The following RNF10 variants were observed in gnomAD, a reference collection of about 807,000 sequenced individuals.
RNF10 encodes the protein E3 ubiquitin-protein ligase RNF10.
A neutral mutation model predicts 91.4 loss-of-function variants in RNF10; 38 were observed. That is an observed-to-expected ratio of 0.42 (90% CI 0.32 to 0.54). RNF10 has a LOEUF of 0.54. RNF10 is among the 20% of genes least tolerant of loss of function. The pLI is 0.16. For missense variants in RNF10, 945 were observed against 1,012.0 expected (o/e 0.93, Z 0.90); for synonymous variants, 364 against 366.3 (o/e 0.99, Z 0.07).
chr12:120,570,242 A>AAT (rs1478180134), intron 13 of RNF10: 2 of 144,876 alleles, frequency 1.4e-5, no homozygotes, highest in African/African-American at 5.2e-5. Context: ...GCTGGAGCAC[A>AAT]ATGGCACGAT....
rs1293857438 is a variant in RNF10, at chr12:120,560,719, C to T, written c.968-7C>T. 1.5e-5 allele frequency: 24 copies of T among 1,609,728 alleles called. No homozygotes were observed. Among genetic ancestry groups the T allele is most frequent in the Non-Finnish European group, 2.0e-5 (24 of 1,176,858 alleles). On this transcript the variant is annotated splice_polypyrimidine_tract_variant and splice_region_variant and intron_variant, in intron 6 of 16. Coordinates refer to ENST00000325954, the MANE Select transcript of RNF10 (RefSeq NM_014868.5). ...GCATTTCTTTGATCTTGCTGGCATTCTTATAGATGAACAGCACAGCCAGTA... is the reference window on the plus strand; with the variant it reads ...GCATTTCTTTGATCTTGCTGGCATTTTTATAGATGAACAGCACAGCCAGTA...
chr12:120,561,427 T>C (rs930400121), intron 7 of RNF10, among the ~76,000 whole-genome samples: 5 of 152,174 alleles, frequency 3.3e-5, no homozygotes, highest in Admixed American at 6.5e-5. Flanking sequence ...CTTTGAGATA[T>C]TGATTGCATA....
chr12:120,561,363 A>G (rs1690385832), intron 7 of RNF10, among the ~76,000 whole-genome samples: 1 of 152,218 alleles, frequency 6.6e-6, no homozygotes, highest in African/African-American at 2.4e-5. Flanking sequence ...TGGGTCTTTT[A>G]TCTTCCACAA....
rs1593117122 is a variant in RNF10, at chr12:120,571,271, C to T, written c.2122C>T (p.Pro708Ser). ...FCVGSLEEDS[P>S]FPSFAQMLRV... is the part of the protein sequence containing the mutation. ...CGTTGGGAGTCTGGAAGAAGACTCT[C>T]CCTTCCCTTCCTTTGCCCAGGTAAA... is the stretch of plus-strand genomic sequence containing the variant. Residue 708 changes from proline (P) to serine (S), a missense_variant, in exon 14 of 17, where the codon CCC (proline) becomes TCC (serine). Coordinates refer to ENST00000325954, the MANE Select transcript of RNF10 (RefSeq NM_014868.5). 5.6e-6 allele frequency: 9 copies of T among 1,613,358 alleles called. No individual in the cohort carries two copies. In the East Asian group the frequency reaches 2.0e-4, roughly 36 times the overall value.
intron 6 of RNF10, among the ~76,000 whole-genome samples, chr12:120,560,271 C>T (rs1233011040): frequency 6.6e-6 from 1 of 151,914 alleles, no homozygotes; most frequent in Non-Finnish European, 1.5e-5. Flanking sequence ...CCTGCCTCAG[C>T]CTCCCAAGTA....
intron 2 of RNF10, among the ~76,000 whole-genome samples, chr12:120,547,936 G>T (rs1389948377): frequency 1.3e-5 from 2 of 152,192 alleles, no homozygotes; most frequent in Non-Finnish European, 1.5e-5. Flanking sequence ...GAAAGAGGGT[G>T]AGTGATGGAG....
At position 120,577,257 on chromosome 12, in the gene RNF10, G is replaced by C. The variant is rs1247722338; in HGVS notation, c.*591G>C. ...AGTAGGCTGTCCTTGGCACTTGCATGTGTGAAAGGAGGGTTTTGCCTCTTC... is the reference window on the plus strand; with the variant it reads ...AGTAGGCTGTCCTTGGCACTTGCATCTGTGAAAGGAGGGTTTTGCCTCTTC... On this transcript the variant is annotated 3_prime_UTR_variant, in exon 17 of 17. Transcript: ENST00000325954. 2.3e-6 allele frequency: 1 copy of C among 432,404 alleles called. No homozygotes were observed. 26.8% of individuals were successfully genotyped at this position (432,404 alleles called of 1,614,324 possible). A position where few individuals can be genotyped will look rare whatever the true frequency, so the allele number is the denominator to read the frequency against.
intron 4 of RNF10, 107 bp downstream of exon 4, chr12:120,554,915 G>T (rs1446758972): frequency 2.3e-6 from 2 of 866,874 alleles, no homozygotes; most frequent in Non-Finnish European, 3.8e-6. Flanking sequence ...ACCCTTTTCT[G>T]CCTGGCCTTT....
intron 13 of RNF10, among the ~76,000 whole-genome samples, chr12:120,568,966 C>CTTGTT (rs748257842): frequency 4.6e-5 from 7 of 151,690 alleles, no homozygotes; most frequent in South Asian, 2.1e-4. Flanking sequence ...CTCAGGCATT[C>CTTGTT]TTGTTTTGTT....
chr12:120,560,072 G>A (rs558636759), intron 6 of RNF10, among the ~76,000 whole-genome samples: 26 of 151,950 alleles, frequency 1.7e-4, no homozygotes, highest in African/African-American at 6.3e-4. Flanking sequence ...GAGCCACTGC[G>A]CTGGTCCACC....
chr12:120,563,196 G>C lies in RNF10; in HGVS notation c.1254+126G>C. Reference sequence around the variant, plus strand: ...GACAATGAGTATTTTCTGTATGCTTGTTATTAGTTCTTTCCCCAGGGGTGT... The same window carrying C: ...GACAATGAGTATTTTCTGTATGCTTCTTATTAGTTCTTTCCCCAGGGGTGT... On this transcript the variant is annotated intron_variant, in intron 8 of 16. Transcript: ENST00000325954. 4 of 1,497,328 alleles carry C rather than the reference G, an allele frequency of 2.7e-6. No individual in the cohort carries two copies. The South Asian group carries it at 4.8e-5, about 18-fold the overall frequency. The allele number at this position is 1,497,328 out of a possible 1,614,324, so 92.8% of individuals were successfully genotyped here.
chr12:120,575,891 A>G lies in RNF10; in HGVS notation c.2300A>G (p.Gln767Arg). 1.2e-6 allele frequency: 2 copies of G among 1,614,182 alleles called. No individual in the cohort carries two copies. The highest frequency in any genetic ancestry group is 1.7e-6 in the Non-Finnish European group (2 of 1,180,034). The change falls in exon 16 of 17, where the codon CAA (glutamine) becomes CGA (arginine). Residue 767 changes from glutamine (Q) to arginine (R), a missense_variant. Transcript: ENST00000325954. ...CCCAGTTTTCAAAATTCCTTCAGCCAAGCTATTGAAGCAGCCTTCATGAAA... is the reference window on the plus strand; with the variant it reads ...CCCAGTTTTCAAAATTCCTTCAGCCGAGCTATTGAAGCAGCCTTCATGAAA... The part of the protein sequence containing the change: ...PVPSFQNSFS[Q>R]AIEAAFMKLD...
intron 1 of RNF10, among the ~76,000 whole-genome samples, chr12:120,535,995 T>C (rs1252445979): frequency 1.3e-5 from 2 of 152,200 alleles, no homozygotes; most frequent in Non-Finnish European, 2.9e-5. Context: ...TCTGCTCTCT[T>C]TTGTATTTCA....
chr12:120,537,523 G>C (rs562109260), intron 1 of RNF10, among the ~76,000 whole-genome samples: 2 of 152,248 alleles, frequency 1.3e-5, no homozygotes, highest in African/African-American at 2.4e-5. Context: ...AGCTACTCGG[G>C]GGGCTGAGGC....
chr12:120,558,421 T>C (rs1012131457), intron 6 of RNF10, among the ~76,000 whole-genome samples: 1 of 151,788 alleles, frequency 6.6e-6, no homozygotes, highest in Non-Finnish European at 1.5e-5. Flanking sequence ...TTTAAATGTT[T>C]AGCAACTTAA....
In RNF10 at chr12:120,575,636, G is replaced by A; in HGVS notation, c.2148G>A (p.Leu716=). The A allele has an allele frequency of 1.2e-6, 2 of 1,614,226 alleles. No individual in the cohort carries two copies. ...CTTCTTTCCCACTTTGGCAGATGCT[G>A]AGGGTTGGAAAAGCAAAAGCAGATG... The part of the protein sequence containing the change: ...DSPFPSFAQM[L]RVGKAKADVW... The change falls in exon 15 of 17, where the codon CTG becomes CTA. Residue 716 remains leucine, a synonymous_variant. Transcript: ENST00000325954.
chr12:120,572,636 C>T (rs1042496450), intron 14 of RNF10, among the ~76,000 whole-genome samples: 6 of 152,104 alleles, frequency 3.9e-5, no homozygotes, highest in African/African-American at 1.4e-4. Context: ...GCTCCTGTCC[C>T]CAAGGCTGGA....
Position 120,534,719 on chromosome 12 carries a change from G to C in RNF10, c.-93G>C, listed in dbSNP as rs966288009. ...GCCATGAAGGCCGAGAACCGCTGCC[G>C]CCGCCGACCCCCGCCGGCCCTGAAC... On this transcript the variant is annotated 5_prime_UTR_variant, in exon 1 of 17. Transcript: ENST00000325954. 4 of 1,405,642 alleles carry C rather than the reference G, an allele frequency of 2.8e-6. No individual in the cohort carries two copies. The African/African-American group carries it at 6.1e-5, about 22-fold the overall frequency. 87.1% of individuals were successfully genotyped at this position (1,405,642 alleles called of 1,614,324 possible). A position where few individuals can be genotyped will look rare whatever the true frequency, so the allele number is the denominator to read the frequency against.
At position 120,534,851 on chromosome 12, in the gene RNF10, G is replaced by A. The variant is rs748579098; in HGVS notation, c.40G>A (p.Asp14Asn). The change falls in exon 1 of 17, where the codon GAC becomes AAC. Residue 14 changes from aspartate to asparagine, a missense_variant. By Grantham distance (23) the Asp-to-Asn change is conservative. Coordinates refer to ENST00000325954, the MANE Select transcript of RNF10 (RefSeq NM_014868.5). The part of the protein sequence containing the change: ...SSPNAAATAS[D>N]MDKNSGSNSS... The stretch of plus-strand genomic sequence containing the variant: ...CCCCAACGCCGCCGCCACCGCCTCC[G>A]ACATGGACAAGAACAGCGGCTCCAA... 3 of 1,606,582 alleles carry A rather than the reference G, an allele frequency of 1.9e-6. No homozygotes were observed. Among genetic ancestry groups the A allele is most frequent in the African/African-American group, 1.3e-5 (1 of 74,868 alleles).
Sources: gnomAD v4.1 joint callset for allele counts (sites outside exome capture counted in the v4.1 genomes callset) on GRCh38, gnomAD v4.1.1 for gene constraint, MANE v1.5 for transcripts, NCBI Gene and HGNC (gene_info 2026-07-23, HGNC 2026-07-21) for gene names.